IPO11: variants seen among roughly 807,000 people sequenced by gnomAD.
IPO11 encodes the protein importin-11.
In IPO11, 66 loss-of-function variants were observed where a neutral mutation model predicts 143.2. The observed-to-expected ratio is 0.46, with a 90% confidence interval of 0.38 to 0.57. The LOEUF (loss-of-function observed/expected upper bound fraction) is 0.57, where lower values mean the gene tolerates loss of function less well. Ranked by LOEUF, IPO11 falls within the 20% of genes least tolerant of loss-of-function variation. The pLI is 0.00. For synonymous variants in IPO11, 385 were observed against 377.8 expected (o/e 1.02, Z -0.22); for missense variants, 1,026 against 1,141.0 (o/e 0.90, Z 1.45).
At chr5:62,582,526 A>G (rs1744607107) in intron 27 of IPO11, among the ~76,000 whole-genome samples, 1 of 152,208 alleles carries the variant, frequency 6.6e-6, no homozygotes, top group Non-Finnish European at 1.5e-5. Context: ...GCAGAAATTC[A>G]GAAGCGAGGT....
At chr5:62,624,574 TC>T (rs1186999102) in intron 29 of IPO11, among the ~76,000 whole-genome samples, 15 of 152,254 alleles carry the variant, frequency 9.9e-5, no homozygotes, top group Admixed American at 7.2e-4. Flanking sequence ...ATCAGCTAGG[TC>T]TTTATGACCT....
At chr5:62,467,707 G>C (rs1745619967) in intron 6 of IPO11, among the ~76,000 whole-genome samples, 1 of 152,052 alleles carries the variant, frequency 6.6e-6, no homozygotes, top group Non-Finnish European at 1.5e-5. Context: ...AGGCTCACTT[G>C]GATTTCAGAA....
At chr5:62,454,614 T>G (rs1244300024) in intron 5 of IPO11, among the ~76,000 whole-genome samples, 1 of 152,200 alleles carries the variant, frequency 6.6e-6, no homozygotes, top group African/African-American at 2.4e-5. Flanking sequence ...TGTTTTTTTT[T>G]GTAGTATGAG....
chr5:62,532,960 A>G (rs1403234180), intron 22 of IPO11, among the ~76,000 whole-genome samples: 5 of 152,160 alleles, frequency 3.3e-5, no homozygotes, highest in African/African-American at 4.8e-5. Flanking sequence ...AAAAAGTTCT[A>G]TTTTATAAAG....
intron 27 of IPO11, among the ~76,000 whole-genome samples, chr5:62,569,179 A>C (rs892703664): frequency 3.3e-5 from 5 of 152,146 alleles, no homozygotes; most frequent in African/African-American, 4.8e-5. Flanking sequence ...TCCAAGGCAA[A>C]GCTGTCTGCA....
At chr5:62,598,379 G>GCTTTCTTTCTTTCTTT (rs1561380281) in intron 28 of IPO11, among the ~76,000 whole-genome samples, 4 of 48,576 alleles carry the variant, frequency 8.2e-5, no homozygotes, top group Admixed American at 4.3e-4. Context: ...TAAATTGTTT[G>GCTTTCTTTCTTTCTTT]CTTGCTTGCT....
At chr5:62,525,124 A>G (rs1164570430) in intron 20 of IPO11, among the ~76,000 whole-genome samples, 1 of 152,192 alleles carries the variant, frequency 6.6e-6, no homozygotes, top group Non-Finnish European at 1.5e-5. Flanking sequence ...TGTTGAAAAG[A>G]TAACAAAAAC....
rs542180572 is a variant in IPO11, at chr5:62,612,001, A to G, written c.2763+10153A>G. On this transcript the variant is annotated intron_variant, in intron 29 of 29. Transcript: ENST00000325324. Reference sequence around the variant, plus strand: ...TTTCATTATAAAAGTAACCTATACTAAAAACCACAAAATGAATGATATGTT... The same window carrying G: ...TTTCATTATAAAAGTAACCTATACTGAAAACCACAAAATGAATGATATGTT... 1.2e-4 allele frequency among the ~76,000 whole-genome samples: 19 copies of G among 152,302 alleles called. No individual in the cohort carries two copies. The South Asian group carries it at 2.9e-3, about 23-fold the overall frequency.
At position 62,628,562 on chromosome 5, in the gene IPO11, A is replaced by G. The variant is rs1746662664; in HGVS notation, c.*1244A>G. 6.6e-6 allele frequency: 1 copy of G among 152,640 alleles called. No individual in the cohort carries two copies. 9.5% of individuals were successfully genotyped at this position (152,640 alleles called of 1,614,324 possible). On this transcript the variant is annotated 3_prime_UTR_variant, in exon 30 of 30. Coordinates refer to ENST00000325324, the MANE Select transcript of IPO11 (RefSeq NM_016338.5). The stretch of plus-strand genomic sequence containing the variant: ...AGAGGAAGAAAATATGGTCCAAATT[A>G]AATTTTCCAAAGATACCTCACCTTG...
At chr5:62,427,160 G>A (rs767171487) in intron 1 of IPO11, among the ~76,000 whole-genome samples, 1 of 151,530 alleles carries the variant, frequency 6.6e-6, no homozygotes, top group African/African-American at 2.4e-5. Context: ...GGCTGGTCTC[G>A]AGCTCCTTAC....
intron 29 of IPO11, among the ~76,000 whole-genome samples, 178 bp downstream of exon 29, chr5:62,602,026 G>A (rs1362578227): frequency 1.3e-5 from 2 of 152,150 alleles, no homozygotes; most frequent in Admixed American, 6.5e-5. Context: ...AGTACAGAAA[G>A]TTGAGGTTAA....
chr5:62,474,950 A>G (rs1472297764), intron 8 of IPO11, among the ~76,000 whole-genome samples: 1 of 152,200 alleles, frequency 6.6e-6, no homozygotes, highest in Non-Finnish European at 1.5e-5. Flanking sequence ...TTATCTCCAT[A>G]CTCAGAATGG....
chr5:62,471,847 A>G (rs1411889872), intron 7 of IPO11, among the ~76,000 whole-genome samples: 1 of 152,184 alleles, frequency 6.6e-6, no homozygotes, highest in African/African-American at 2.4e-5. Context: ...ATTTTTGATA[A>G]AAGATATGGA....
chr5:62,459,490 T>G (rs1026820494), intron 5 of IPO11, among the ~76,000 whole-genome samples: 2 of 152,102 alleles, frequency 1.3e-5, no homozygotes, highest in Non-Finnish European at 2.9e-5. Context: ...GCTTCTGGCT[T>G]GATACATTTT....
chr5:62,592,833 C>T (rs1745076886), intron 28 of IPO11, among the ~76,000 whole-genome samples: 2 of 152,090 alleles, frequency 1.3e-5, no homozygotes, highest in South Asian at 2.1e-4. Flanking sequence ...TGAGGGTAAT[C>T]GCCCCCATGA....
intron 15 of IPO11, among the ~76,000 whole-genome samples, chr5:62,493,468 T>C (rs952523080): frequency 1.3e-5 from 2 of 152,200 alleles, no homozygotes; most frequent in African/African-American, 4.8e-5. Context: ...ACAACATATA[T>C]GCCTAGGAAT....
intron 29 of IPO11, among the ~76,000 whole-genome samples, chr5:62,626,425 A>G (rs1259598363): frequency 6.6e-6 from 1 of 152,142 alleles, no homozygotes; most frequent in East Asian, 1.9e-4. Context: ...TTTAGATTTT[A>G]CCAGTTTTTC....
At chr5:62,433,106 C>G (rs987283460) in intron 1 of IPO11, among the ~76,000 whole-genome samples, 1 of 150,578 alleles carries the variant, frequency 6.6e-6, no homozygotes, top group Non-Finnish European at 1.5e-5. Context: ...TATTTTGGAA[C>G]ACTCTTCTTC....
At chr5:62,626,373 C>T (rs1407654619) in intron 29 of IPO11, among the ~76,000 whole-genome samples, 1 of 152,074 alleles carries the variant, frequency 6.6e-6, no homozygotes, top group Non-Finnish European at 1.5e-5. Context: ...AATTAAGAAA[C>T]CAACATCGGT....
Sources: gnomAD v4.1 joint callset for allele counts (sites outside exome capture counted in the v4.1 genomes callset) on GRCh38, gnomAD v4.1.1 for gene constraint, MANE v1.5 for transcripts, NCBI Gene and HGNC (gene_info 2026-07-23, HGNC 2026-07-21) for gene names.